Variants in SNTB1 observed in about 807,000 individuals in gnomAD.
The protein encoded by SNTB1 is beta-1-syntrophin.
A neutral mutation model predicts 48.9 loss-of-function variants in SNTB1; 36 were observed. The observed-to-expected ratio is 0.74, with a 90% CI of 0.56 to 0.97. SNTB1 has a LOEUF of 0.97. Among genes scored for constraint, SNTB1 ranks in the 50% least tolerant of loss-of-function variants. SNTB1 has a pLI of 0.00. For missense variants in SNTB1, 786 were observed against 703.4 expected (o/e 1.12, Z -1.33); for synonymous variants, 299 against 294.6 (o/e 1.01, Z -0.15).
In SNTB1 at chr8:120,693,767, T is replaced by C. The variant is rs371508748; in HGVS notation, c.713A>G (p.His238Arg). 50 of 1,613,754 alleles carry C rather than the reference T, an allele frequency of 3.1e-5. No individual in the cohort carries two copies. Among genetic ancestry groups the C allele is most frequent in the Non-Finnish European group, 4.1e-5 (48 of 1,179,928 alleles). The change falls in exon 2 of 7, where the codon CAC becomes CGC. Residue 238 changes from histidine (H) to arginine (R), a missense_variant. By Grantham distance (29) the His-to-Arg change is conservative. Transcript: ENST00000517992. ...DPPSSQSFSF[H>R]RDRKSIPLKM... ...GAGGGGGATGCTTTTCCGGTCTCTG[T>C]GGAAGGAGAAGGACTGCGATGACGG...
At chr8:120,543,523 C>T (rs1815326331) in intron 5 of SNTB1, among the ~76,000 whole-genome samples, 1 of 152,080 alleles carries the variant, frequency 6.6e-6, no homozygotes, top group South Asian at 2.1e-4. Flanking sequence ...CATCACTACC[C>T]GGGTTGTTTG....
chr8:120,576,866 G>A (rs146556822), intron 3 of SNTB1, among the ~76,000 whole-genome samples: 15 of 152,308 alleles, frequency 9.8e-5, no homozygotes, highest in Non-Finnish European at 1.9e-4. Context: ...CATCATGTAA[G>A]TACCTGTTAA....
chr8:120,637,197 A>G, intron 2 of SNTB1: 1 of 337,600 alleles, frequency 3.0e-6, no homozygotes, highest in Non-Finnish European at 5.9e-6. Context: ...GCAATGTCAA[A>G]GTCGAACATC....
chr8:120,726,211 A>G (rs1173660815), intron 1 of SNTB1, among the ~76,000 whole-genome samples: 5 of 152,216 alleles, frequency 3.3e-5, no homozygotes, highest in Admixed American at 3.3e-4. Context: ...CTATTTTTGT[A>G]CACATACATT....
chr8:120,754,900 G>A (rs918032582), intron 1 of SNTB1, among the ~76,000 whole-genome samples: 3 of 152,098 alleles, frequency 2.0e-5, no homozygotes, highest in African/African-American at 7.2e-5. Flanking sequence ...AAATGAGGAG[G>A]AAAAGACGAC....
At chr8:120,611,589 G>A (rs184925879) in intron 3 of SNTB1, among the ~76,000 whole-genome samples, 2 of 151,898 alleles carry the variant, frequency 1.3e-5, no homozygotes, top group African/African-American at 2.4e-5. Flanking sequence ...TTTGGGAGGC[G>A]AGGTGGGCAG....
At chr8:120,701,319 C>T (rs1377369203) in intron 1 of SNTB1, among the ~76,000 whole-genome samples, 1 of 152,190 alleles carries the variant, frequency 6.6e-6, no homozygotes, top group Non-Finnish European at 1.5e-5. Context: ...AGTTCCAGCT[C>T]TGCCACTAAC....
chr8:120,784,837 T>G (rs1248451042), intron 1 of SNTB1, among the ~76,000 whole-genome samples: 5 of 152,138 alleles, frequency 3.3e-5, no homozygotes, highest in African/African-American at 7.2e-5. Flanking sequence ...AAAGAAGCAG[T>G]GGGCAGCAGC....
intron 1 of SNTB1, among the ~76,000 whole-genome samples, chr8:120,771,105 G>A (rs1451341018): frequency 1.3e-5 from 2 of 152,158 alleles, no homozygotes; most frequent in Non-Finnish European, 2.9e-5. Flanking sequence ...TAGAGATGCA[G>A]CAACACTGGA....
chr8:120,637,703 C>T (rs539071619), intron 2 of SNTB1: 61 of 434,138 alleles, frequency 1.4e-4, no homozygotes, highest in Non-Finnish European at 2.5e-4. Context: ...CATGGCTGCA[C>T]TTATGCCTGT....
intron 1 of SNTB1, among the ~76,000 whole-genome samples, chr8:120,720,665 A>G (rs774688254): frequency 4.6e-5 from 7 of 152,186 alleles, no homozygotes; most frequent in Admixed American, 3.3e-4. Context: ...GCAAACCCAC[A>G]CTGTAAAAAT....
chr8:120,762,578 G>T (rs1819440281), intron 1 of SNTB1, among the ~76,000 whole-genome samples: 1 of 152,096 alleles, frequency 6.6e-6, no homozygotes, highest in African/African-American at 2.4e-5. Flanking sequence ...TCATTCATAG[G>T]CTCGTTGCCA....
chr8:120,793,304 G>A (rs774115871), intron 1 of SNTB1, among the ~76,000 whole-genome samples: 11 of 151,992 alleles, frequency 7.2e-5, no homozygotes, highest in Non-Finnish European at 1.2e-4. Flanking sequence ...GTGATTTAAC[G>A]GTATGCAACA....
Position 120,811,788 on chromosome 8 carries a change from C to A in SNTB1, c.56G>T (p.Arg19Leu). 1 of 1,453,112 alleles carries A rather than the reference C, an allele frequency of 6.9e-7. No homozygotes were observed. The highest frequency in any genetic ancestry group is 9.1e-7 in the Non-Finnish European group (1 of 1,104,722). The allele number at this position is 1,453,112 out of a possible 1,614,324, so 90.0% of individuals were successfully genotyped here. The change falls in exon 1 of 7, where the codon CGG becomes CTG. Residue 19 changes from arginine to leucine, a missense_variant. Coordinates refer to ENST00000517992, the MANE Select transcript of SNTB1 (RefSeq NM_021021.4). ...TTCCAGCAGCCCGCTCCGCTGCGCC[C>A]GGCCGCCTCCCGCGCCAGCCGGCCC... Reference protein sequence around the residue: ...AAGPAGAGGGRAQRSGLLEVL... With the variant: ...AAGPAGAGGGLAQRSGLLEVL...
intron 2 of SNTB1, among the ~76,000 whole-genome samples, chr8:120,672,149 G>A (rs773205658): frequency 6.6e-6 from 1 of 152,140 alleles, no homozygotes. Flanking sequence ...AGTGTTCTGA[G>A]CATGTTTAAT....
intron 2 of SNTB1, among the ~76,000 whole-genome samples, chr8:120,651,387 A>G (rs1452100453): frequency 6.6e-6 from 1 of 152,166 alleles, no homozygotes; most frequent in Non-Finnish European, 1.5e-5. Context: ...TAACCCATCT[A>G]CCTCTTTGTT....
chr8:120,682,671 G>A (rs1817951918), intron 2 of SNTB1, among the ~76,000 whole-genome samples: 3 of 152,118 alleles, frequency 2.0e-5, no homozygotes, highest in Admixed American at 1.3e-4. Flanking sequence ...GGTTGCCTAA[G>A]TGAGAAGCAA....
In SNTB1 at chr8:120,694,765, T is replaced by C. The variant is rs540085831; in HGVS notation, c.572-857A>G. Among the ~76,000 whole-genome samples the C allele has an allele frequency of 4.3e-4, 66 of 152,058 alleles. No homozygotes were observed. The South Asian group carries it at 0.013, about 31-fold the overall frequency. ...TATTTCTGGGTAGAAATATAAGAAA[T>C]TATTAACACTAGTTAGCTGTGGGAA... On this transcript the variant is annotated intron_variant, in intron 1 of 6. Transcript: ENST00000517992.
rs373258111 is a variant in SNTB1, at chr8:120,632,532, C to G, written c.908G>C (p.Arg303Pro). ...CTGCTCTCTGACCTCAGCAATCACTCGGGTCAGCAGGTCATTAACGTTGGA... is the reference window on the plus strand; with the variant it reads ...CTGCTCTCTGACCTCAGCAATCACTGGGGTCAGCAGGTCATTAACGTTGGA... ...IHSNVNDLLT[R>P]VIAEVREQLG... The change falls in exon 3 of 7, where the codon CGA (arginine) becomes CCA (proline). Residue 303 changes from arginine to proline, a missense_variant. Physicochemically the swap from Arg to Pro is moderately radical, Grantham distance 103 (BLOSUM62 -2). Transcript: ENST00000517992. The G allele has an allele frequency of 3.1e-6, 5 of 1,614,006 alleles. No individual in the cohort carries two copies. The African/African-American group carries it at 6.7e-5, about 22-fold the overall frequency.
Sources: gnomAD v4.1 joint callset for allele counts (sites outside exome capture counted in the v4.1 genomes callset) on GRCh38, gnomAD v4.1.1 for gene constraint, MANE v1.5 for transcripts, NCBI Gene and HGNC (gene_info 2026-07-23, HGNC 2026-07-21) for gene names.